The following AKAP6 variants were observed in gnomAD, a reference collection of about 807,000 sequenced individuals.
AKAP6 encodes the protein A-kinase anchor protein 6.
Under a neutral mutation model 188.5 loss-of-function variants are expected in AKAP6, and 58 were observed. The observed-to-expected ratio is 0.31, with a 90% CI of 0.25 to 0.38. The LOEUF (loss-of-function observed/expected upper bound fraction) is 0.38. Ranked by LOEUF, AKAP6 falls within the 10% of genes least tolerant of loss-of-function variation. The probability of loss-of-function intolerance (pLI) is 1.00; values close to 1 mark genes in which losing one functional copy is unlikely to be tolerated. For synonymous variants in AKAP6, 989 were observed against 998.6 expected, an observed-to-expected ratio of 0.99 and a Z score of 0.18; for missense variants, 2,710 against 2,740.0, an observed-to-expected ratio of 0.99 and a Z score of 0.24.
intron 11 of AKAP6, among the ~76,000 whole-genome samples, chr14:32,764,018 A>C (rs2032625353): frequency 6.6e-6 from 1 of 152,220 alleles, no homozygotes; most frequent in Non-Finnish European, 1.5e-5. Flanking sequence ...GCTAGAGAAT[A>C]GAGCTATCAG....
At chr14:32,360,709 T>TTGTGTGTG (rs1408575197) in intron 1 of AKAP6, among the ~76,000 whole-genome samples, 1 of 106,056 alleles carries the variant, frequency 9.4e-6, no homozygotes, top group African/African-American at 3.7e-5. Flanking sequence ...GTTTTGGCCA[T>TTGTGTGTG]TGAGTGTGTG....
chr14:32,362,223 A>G (rs1200480068), intron 1 of AKAP6, among the ~76,000 whole-genome samples: 1 of 152,206 alleles, frequency 6.6e-6, no homozygotes, highest in Non-Finnish European at 1.5e-5. Context: ...AGACCCCACA[A>G]CAATCTTCAG....
chr14:32,447,986 G>T (rs1202076328), intron 2 of AKAP6, among the ~76,000 whole-genome samples: 1 of 152,206 alleles, frequency 6.6e-6, no homozygotes, highest in Non-Finnish European at 1.5e-5. Context: ...AAATGCACTG[G>T]ACATTTTGAT....
chr14:32,747,579 A>C (rs1004794536), intron 11 of AKAP6, among the ~76,000 whole-genome samples: 5 of 152,196 alleles, frequency 3.3e-5, no homozygotes, highest in Non-Finnish European at 2.9e-5. Context: ...ACATATTAAA[A>C]ACCCGTCACC....
intron 12 of AKAP6, among the ~76,000 whole-genome samples, chr14:32,787,294 A>C (rs1005337147): frequency 6.6e-6 from 1 of 152,238 alleles, no homozygotes; most frequent in African/African-American, 2.4e-5. Flanking sequence ...GATAAATAGC[A>C]TTCTTATCTT....
At chr14:32,426,351 T>C (rs1890031022) in intron 1 of AKAP6, among the ~76,000 whole-genome samples, 1 of 152,126 alleles carries the variant, frequency 6.6e-6, no homozygotes, top group Admixed American at 6.5e-5. Context: ...TATAAAGTTA[T>C]AATTTCCTTG....
rs147847033 is a variant in AKAP6, at chr14:32,607,616, T to C, written c.2730+6824T>C. On this transcript the variant is annotated intron_variant, in intron 7 of 13. Transcript: ENST00000280979. ...GTCTTATCATTTCAGTGTAAGCACA[T>C]AGTGTAACAACTTGTCTAATGTATT... is the stretch of plus-strand genomic sequence containing the variant. Among the ~76,000 whole-genome samples, 1,041 of 152,282 alleles carry C rather than the reference T, an allele frequency of 6.8e-3. 10 individuals carry two copies. The highest frequency in any genetic ancestry group is 0.031 in the Middle Eastern group (9 of 294).
rs1186637479 is a variant in AKAP6, at chr14:32,823,076, C to T, written c.5263C>T (p.Leu1755=). 1 of 1,613,798 alleles carries T rather than the reference C, an allele frequency of 6.2e-7. No individual in the cohort carries two copies. The highest frequency in any genetic ancestry group is 1.1e-5 in the South Asian group (1 of 91,072). The part of the protein sequence containing the change: ...ACTDDEDDSD[L]LSSSTLTLTE... ...CACTGATGATGAAGATGACAGCGAC[C>T]TGCTCTCCAGCTCTACCCTTACCTT... Residue 1755 remains leucine, a synonymous_variant, in exon 13 of 14, where the codon CTG becomes TTG. Coordinates refer to ENST00000280979, the MANE Select transcript of AKAP6 (RefSeq NM_004274.5).
chr14:32,598,112 A>C (rs1214418951), intron 5 of AKAP6, among the ~76,000 whole-genome samples: 1 of 152,208 alleles, frequency 6.6e-6, no homozygotes, highest in Non-Finnish European at 1.5e-5. Flanking sequence ...GAATGAATGA[A>C]TACATGATTT....
Position 32,479,664 on chromosome 14 carries a change from C to T in AKAP6, c.324+45847C>T, listed in dbSNP as rs544948425. Among the ~76,000 whole-genome samples the T allele has an allele frequency of 5.3e-5, 8 of 152,188 alleles. No individual in the cohort carries two copies. In the East Asian group the frequency reaches 1.5e-3, roughly 29 times the overall value. On this transcript the variant is annotated intron_variant, in intron 2 of 13. Transcript: ENST00000280979. Reference sequence around the variant, plus strand: ...CCCCTACAAATTTATATGTTGAAATCCTAACCTCCAAGGAGATATATTAGA... The same window carrying T: ...CCCCTACAAATTTATATGTTGAAATTCTAACCTCCAAGGAGATATATTAGA...
chr14:32,829,525 CA>C (rs34179565), intron 13 of AKAP6, among the ~76,000 whole-genome samples: 51,189 of 151,542 alleles, frequency 0.34, 10,755 homozygotes, highest in Non-Finnish European at 0.46. Context: ...TTTGATGTTC[CA>C]AACTGAGTGC....
intron 1 of AKAP6, among the ~76,000 whole-genome samples, chr14:32,367,286 G>T (rs561181778): frequency 6.6e-6 from 1 of 152,182 alleles, no homozygotes; most frequent in Non-Finnish European, 1.5e-5. Context: ...AATAATTCAC[G>T]CACTTCTACA....
At chr14:32,509,990 C>A (rs2139015073) in intron 2 of AKAP6, among the ~76,000 whole-genome samples, 1 of 152,212 alleles carries the variant, frequency 6.6e-6, no homozygotes, top group South Asian at 2.1e-4. Flanking sequence ...TGACCTCATG[C>A]AGATTGAAAA....
intron 5 of AKAP6, among the ~76,000 whole-genome samples, chr14:32,585,221 A>G (rs775473145): frequency 6.6e-6 from 1 of 152,224 alleles, no homozygotes; most frequent in South Asian, 2.1e-4. Flanking sequence ...CAAGGAGACA[A>G]ACCAGCGCTT....
At chr14:32,621,280 G>T (rs1886807155) in intron 7 of AKAP6, among the ~76,000 whole-genome samples, 1 of 151,814 alleles carries the variant, frequency 6.6e-6, no homozygotes, top group Admixed American at 6.6e-5. Flanking sequence ...CTGTCAATTT[G>T]TGATCTTTTA....
chr14:32,379,184 T>C (rs1594558335), intron 1 of AKAP6, among the ~76,000 whole-genome samples: 1 of 152,196 alleles, frequency 6.6e-6, no homozygotes, highest in African/African-American at 2.4e-5. Flanking sequence ...CCTCCCAAAG[T>C]GCTGAGATTA....
Position 32,430,936 on chromosome 14 carries a change from C to G in AKAP6, c.-34-2524C>G, listed in dbSNP as rs576299154. Among the ~76,000 whole-genome samples, 83 of 152,102 alleles carry G rather than the reference C, an allele frequency of 5.5e-4. No individual in the cohort carries two copies. The East Asian group carries it at 9.3e-3, about 17-fold the overall frequency. On this transcript the variant is annotated intron_variant, in intron 1 of 13. Transcript: ENST00000280979. ...CCTGGATAACACAGTGAAACCCTGT[C>G]TCTACTAAAAAAAGTACAATTAGCC...
intron 1 of AKAP6, among the ~76,000 whole-genome samples, chr14:32,368,889 A>C (rs1566468023): frequency 1.3e-5 from 2 of 150,106 alleles, no homozygotes. Flanking sequence ...GAAAAAAAAA[A>C]CAAAAACATG....
At chr14:32,778,176 C>T (rs1490026022) in intron 12 of AKAP6, among the ~76,000 whole-genome samples, 2 of 152,156 alleles carry the variant, frequency 1.3e-5, no homozygotes. Flanking sequence ...ACCTGTACCA[C>T]AAGAAATGTT....
Sources: gnomAD v4.1 joint callset for allele counts (sites outside exome capture counted in the v4.1 genomes callset) on GRCh38, gnomAD v4.1.1 for gene constraint, MANE v1.5 for transcripts, NCBI Gene and HGNC (gene_info 2026-07-23, HGNC 2026-07-21) for gene names.